CACNA2D3: variants seen among roughly 807,000 people sequenced by gnomAD.
The protein encoded by CACNA2D3 is voltage-dependent calcium channel subunit alpha-2/delta-3.
In CACNA2D3, 60 loss-of-function variants were observed where a neutral mutation model predicts 160.6. That is an observed-to-expected ratio of 0.37 (90% confidence interval 0.30 to 0.46). The LOEUF is 0.46. CACNA2D3 is among the 20% of genes least tolerant of loss of function. The probability of loss-of-function intolerance (pLI) is 1.00; values close to 1 mark genes in which losing one functional copy is unlikely to be tolerated. For missense variants in CACNA2D3, 1,205 were observed against 1,365.0 expected (o/e 0.88, Z 1.85); for synonymous variants, 558 against 492.9 (o/e 1.13, Z -1.75).
chr3:54,321,689 C>T (rs548952340), intron 3 of CACNA2D3, among the ~76,000 whole-genome samples: 3 of 152,114 alleles, frequency 2.0e-5, no homozygotes, highest in African/African-American at 7.2e-5. Flanking sequence ...TGAGAGAGAG[C>T]CCCAGTCATA....
rs146741143 is a variant in CACNA2D3 at position 54,545,872 on chromosome 3, A to G, written c.545-16928A>G. On this transcript the variant is annotated intron_variant, in intron 5 of 37. Transcript: ENST00000474759. ...TGTGGTCTTTATTCTGGCACCTTGAATTTCGTTCAGGAACCCATCTTTCAG... is the reference window on the plus strand; with the variant it reads ...TGTGGTCTTTATTCTGGCACCTTGAGTTTCGTTCAGGAACCCATCTTTCAG... Among the ~76,000 whole-genome samples the G allele has an allele frequency of 7.7e-3, 1,179 of 152,198 alleles. 10 individuals carry two copies. Among genetic ancestry groups the G allele is most frequent in the African/African-American group, 0.026 (1,075 of 41,514 alleles).
At chr3:54,549,148 G>GT (rs1176595184) in intron 5 of CACNA2D3, among the ~76,000 whole-genome samples, 24 of 152,242 alleles carry the variant, frequency 1.6e-4, no homozygotes, top group African/African-American at 4.8e-4. Context: ...GCCTTTTGCT[G>GT]TTAAAAACAA....
chr3:54,297,119 G>A (rs940532272), intron 2 of CACNA2D3, among the ~76,000 whole-genome samples: 1 of 152,176 alleles, frequency 6.6e-6, no homozygotes, highest in East Asian at 1.9e-4. Context: ...AGACAGCCTG[G>A]ATTTAAATCT....
At chr3:54,288,723 C>A (rs1703102150) in intron 2 of CACNA2D3, among the ~76,000 whole-genome samples, 2 of 152,222 alleles carry the variant, frequency 1.3e-5, no homozygotes, top group African/African-American at 4.8e-5. Flanking sequence ...GCTTATCCAC[C>A]ATGATCAAGT....
chr3:54,583,946 G>T (rs1702719068), intron 9 of CACNA2D3, among the ~76,000 whole-genome samples: 1 of 149,534 alleles, frequency 6.7e-6, no homozygotes, highest in African/African-American at 2.5e-5. Flanking sequence ...GTTCCTTCTA[G>T]CCAAAGGACC....
intron 13 of CACNA2D3, among the ~76,000 whole-genome samples, chr3:54,783,983 C>T (rs555622016): frequency 2.6e-5 from 4 of 152,206 alleles, no homozygotes; most frequent in Non-Finnish European, 4.4e-5. Flanking sequence ...ACCCCAACTG[C>T]TGTCAGTATG....
chr3:54,832,460 G>A (rs1703901979), intron 14 of CACNA2D3, among the ~76,000 whole-genome samples: 1 of 152,172 alleles, frequency 6.6e-6, no homozygotes, highest in Non-Finnish European at 1.5e-5. Flanking sequence ...GGGCCAGGCA[G>A]TTTACAAGAT....
chr3:54,812,480 A>C (rs944991011), intron 13 of CACNA2D3, among the ~76,000 whole-genome samples: 4 of 152,184 alleles, frequency 2.6e-5, no homozygotes, highest in African/African-American at 9.7e-5. Flanking sequence ...GGACAGAACA[A>C]ATGTCTGTGA....
chr3:54,626,775 T>G (rs1699125149), intron 9 of CACNA2D3: 1 of 623,640 alleles, frequency 1.6e-6, no homozygotes, highest in African/African-American at 1.9e-5. Flanking sequence ...GGTGCCACCA[T>G]GGGTGTGGGC....
At chr3:54,537,093 CAG>C (rs35469509) in intron 5 of CACNA2D3, among the ~76,000 whole-genome samples, 84,991 of 148,122 alleles carry the variant, frequency 0.57, 24,195 homozygotes, top group South Asian at 0.64. Flanking sequence ...GAAACCAAGG[CAG>C]AGAGAGAGAG....
intron 31 of CACNA2D3, among the ~76,000 whole-genome samples, chr3:54,995,278 A>T (rs996336287): frequency 2.0e-5 from 3 of 152,136 alleles, no homozygotes; most frequent in Admixed American, 2.0e-4. Flanking sequence ...CTGGCCAAAG[A>T]AAGTTTTTTA....
chr3:54,699,582 G>A (rs934397299), intron 11 of CACNA2D3, among the ~76,000 whole-genome samples: 4 of 152,100 alleles, frequency 2.6e-5, no homozygotes, highest in African/African-American at 9.7e-5. Flanking sequence ...CGTGAGACTA[G>A]CAGCATTTTA....
chr3:54,810,882 G>A (rs979150728), intron 13 of CACNA2D3, among the ~76,000 whole-genome samples: 22 of 152,124 alleles, frequency 1.4e-4, no homozygotes, highest in African/African-American at 5.1e-4. Context: ...CCCTCTGCTC[G>A]GTGGGTATTT....
intron 17 of CACNA2D3, among the ~76,000 whole-genome samples, chr3:54,852,442 A>G (rs1392123263): frequency 1.3e-5 from 2 of 152,232 alleles, no homozygotes; most frequent in Non-Finnish European, 2.9e-5. Context: ...GAAAACTCAG[A>G]TGAACTCTTG....
At chr3:54,342,984 C>T (rs892482341) in intron 3 of CACNA2D3, among the ~76,000 whole-genome samples, 1 of 152,232 alleles carries the variant, frequency 6.6e-6, no homozygotes, top group African/African-American at 2.4e-5. Context: ...AAGACCACTC[C>T]TTCACATCAC....
At chr3:54,291,331 A>G (rs1703199371) in intron 2 of CACNA2D3, among the ~76,000 whole-genome samples, 2 of 152,226 alleles carry the variant, frequency 1.3e-5, no homozygotes, top group Non-Finnish European at 1.5e-5. Context: ...CAGATAGGCA[A>G]TTAAAATGGC....
At chr3:54,976,314 T>A (rs1481868710) in intron 29 of CACNA2D3, among the ~76,000 whole-genome samples, 1 of 115,780 alleles carries the variant, frequency 8.6e-6, no homozygotes, top group Non-Finnish European at 1.7e-5. Context: ...CAGAGTGTGA[T>A]GTTCCCCTTC....
At chr3:54,962,992 A>G (rs541137052) in intron 27 of CACNA2D3, among the ~76,000 whole-genome samples, 30 of 152,336 alleles carry the variant, frequency 2.0e-4, no homozygotes, top group African/African-American at 7.2e-4. Context: ...TGTGAGTTTC[A>G]GATTACACTT....
intron 4 of CACNA2D3, among the ~76,000 whole-genome samples, chr3:54,456,762 A>C (rs892234867): frequency 6.6e-6 from 1 of 151,948 alleles, no homozygotes; most frequent in Non-Finnish European, 1.5e-5. Flanking sequence ...TTTTAACTAC[A>C]ACTTTAACCT....
Sources: allele counts gnomAD v4.1 joint callset (sites outside exome capture counted in the v4.1 genomes callset), GRCh38; gene constraint gnomAD v4.1.1; transcripts MANE v1.5; gene names NCBI Gene and HGNC (gene_info 2026-07-23, HGNC 2026-07-21).